Variants in ASIC2 observed in about 807,000 individuals in gnomAD.
The protein encoded by ASIC2 is acid sensing ion channel subunit 2.
ASIC2 carries 25 observed loss-of-function variants against 57.3 expected under a neutral mutation model. The observed-to-expected ratio is 0.44, with a 90% CI of 0.32 to 0.61. The LOEUF (loss-of-function observed/expected upper bound fraction) is 0.61, where lower values mean the gene tolerates loss of function less well. Among genes scored for constraint, ASIC2 ranks in the 20% least tolerant of loss-of-function variants. The pLI is 0.06. For synonymous variants in ASIC2, 319 were observed against 307.5 expected, an observed-to-expected ratio of 1.04 and a Z score of -0.39; for missense variants, 641 against 738.1, an observed-to-expected ratio of 0.87 and a Z score of 1.52.
intron 3 of ASIC2, among the ~76,000 whole-genome samples, chr17:33,065,342 TA>T (rs2092039023): frequency 6.7e-6 from 1 of 148,176 alleles, no homozygotes; most frequent in Non-Finnish European, 1.5e-5. Context: ...CACTTCCTGC[TA>T]TTTTTTTTTT....
chr17:33,039,208 G>A (rs2091921223), intron 3 of ASIC2, among the ~76,000 whole-genome samples: 1 of 150,440 alleles, frequency 6.6e-6, no homozygotes, highest in Non-Finnish European at 1.5e-5. Flanking sequence ...GATAGGACAC[G>A]GTGCTCACAG....
chr17:33,454,040 CTGT>C (rs1912363001), intron 1 of ASIC2, among the ~76,000 whole-genome samples: 1 of 152,154 alleles, frequency 6.6e-6, no homozygotes, highest in Non-Finnish European at 1.5e-5. Context: ...TTGTTATTTA[CTGT>C]TGTTGGCTAT....
intron 1 of ASIC2, among the ~76,000 whole-genome samples, chr17:33,449,691 C>A (rs1912174084): frequency 6.6e-6 from 1 of 152,114 alleles, no homozygotes; most frequent in South Asian, 2.1e-4. Context: ...GCGTTATAGA[C>A]CTTCTTATCC....
At chr17:33,059,206 C>G (rs889877412) in intron 3 of ASIC2, among the ~76,000 whole-genome samples, 51 of 152,180 alleles carry the variant, frequency 3.4e-4, no homozygotes, top group African/African-American at 1.1e-3. Flanking sequence ...ATGTGCACAA[C>G]GTGCAGGTTT....
At chr17:33,939,237 G>A (rs774905615) in intron 1 of ASIC2, among the ~76,000 whole-genome samples, 3 of 152,206 alleles carry the variant, frequency 2.0e-5, no homozygotes, top group Non-Finnish European at 2.9e-5. Context: ...ATTCAATATA[G>A]AGTCATGCCA....
chr17:33,469,828 TAG>T (rs1330158441), intron 1 of ASIC2, among the ~76,000 whole-genome samples: 1 of 152,076 alleles, frequency 6.6e-6, no homozygotes, highest in Admixed American at 6.6e-5. Context: ...ACCTCGGGGA[TAG>T]AGAGTGAAGA....
At chr17:33,942,431 G>A (rs1916212130) in intron 1 of ASIC2, among the ~76,000 whole-genome samples, 1 of 152,092 alleles carries the variant, frequency 6.6e-6, no homozygotes, top group Non-Finnish European at 1.5e-5. Context: ...AGAAGTGCAG[G>A]GTCTAACTCA....
chr17:33,408,283 G>T lies in ASIC2; in HGVS notation c.556-296216C>A, dbSNP rs1312507553. On this transcript the variant is annotated intron_variant, in intron 1 of 9. Transcript: ENST00000359872. ...TTCTGATTTTCACTCCCCAACAAAT[G>T]TCATGTCCATGTGCTGCAGTGGTGA... is the stretch of plus-strand genomic sequence containing the variant. Among the ~76,000 whole-genome samples the T allele has an allele frequency of 2.6e-5, 4 of 152,182 alleles. No individual in the cohort carries two copies. The East Asian group carries it at 7.7e-4, about 29-fold the overall frequency.
At chr17:33,473,218 A>C (rs1239112631) in intron 1 of ASIC2, among the ~76,000 whole-genome samples, 1 of 152,262 alleles carries the variant, frequency 6.6e-6, no homozygotes, top group African/African-American at 2.4e-5. Flanking sequence ...CTATGGCATA[A>C]TATCCATCTG....
rs540063773 is a variant in ASIC2, at chr17:33,736,362, A to G, written c.555+419616T>C. On this transcript the variant is annotated intron_variant, in intron 1 of 9. Transcript: ENST00000359872. ...TACTCTATGAATTTATGAAAATCCC[A>G]TATTTTATCATGCAGACATTTTGGA... 5.9e-5 allele frequency among the ~76,000 whole-genome samples: 9 copies of G among 152,234 alleles called. No homozygotes were observed. The South Asian group carries it at 1.9e-3, about 32-fold the overall frequency.
chr17:33,509,584 G>A (rs1415534345), intron 1 of ASIC2, among the ~76,000 whole-genome samples: 1 of 152,190 alleles, frequency 6.6e-6, no homozygotes, highest in Non-Finnish European at 1.5e-5. Flanking sequence ...TGGCGGGGCT[G>A]CGTGCCTGCT....
At chr17:34,151,073 A>C (rs1164407936) in intron 1 of ASIC2, among the ~76,000 whole-genome samples, 1 of 146,956 alleles carries the variant, frequency 6.8e-6, no homozygotes, top group African/African-American at 2.5e-5. Flanking sequence ...ACTGCACTCC[A>C]GCCTGGGCAA....
At chr17:34,132,397 G>T (rs1218321784) in intron 1 of ASIC2, among the ~76,000 whole-genome samples, 1 of 152,126 alleles carries the variant, frequency 6.6e-6, no homozygotes, top group South Asian at 2.1e-4. Context: ...CTGCTGGCTG[G>T]GGATGGAGTG....
chr17:33,412,653 G>A (rs1399811485), intron 1 of ASIC2, among the ~76,000 whole-genome samples: 2 of 152,180 alleles, frequency 1.3e-5, no homozygotes, highest in East Asian at 1.9e-4. Context: ...CCTTTGGGCT[G>A]GATATATGCC....
chr17:33,650,372 C>T (rs1486627777), intron 1 of ASIC2, among the ~76,000 whole-genome samples: 3 of 152,166 alleles, frequency 2.0e-5, no homozygotes, highest in East Asian at 3.9e-4. Context: ...ATCACTCAGA[C>T]ATTACTGGCG....
intron 1 of ASIC2, among the ~76,000 whole-genome samples, chr17:33,339,286 C>A (rs892943595): frequency 6.6e-6 from 1 of 152,106 alleles, no homozygotes; most frequent in African/African-American, 2.4e-5. Context: ...ACTGAAGTTT[C>A]AGTTCTACAG....
chr17:33,573,668 C>T (rs557303539), intron 1 of ASIC2, among the ~76,000 whole-genome samples: 4 of 152,260 alleles, frequency 2.6e-5, no homozygotes, highest in Admixed American at 6.5e-5. Flanking sequence ...CAGGTTCAAG[C>T]GATTCTCCTG....
intron 1 of ASIC2, among the ~76,000 whole-genome samples, chr17:34,000,635 A>G (rs1259256419): frequency 1.3e-5 from 2 of 152,156 alleles, no homozygotes; most frequent in Non-Finnish European, 2.9e-5. Context: ...AGGTTTGGGA[A>G]GTTTTATGTC....
intron 4 of ASIC2, among the ~76,000 whole-genome samples, chr17:33,027,417 T>C (rs1278509969): frequency 6.6e-6 from 1 of 152,220 alleles, no homozygotes; most frequent in Non-Finnish European, 1.5e-5. Context: ...CTACTAAATA[T>C]AATAACAACA....
Sources: gnomAD v4.1 joint callset for allele counts (sites outside exome capture counted in the v4.1 genomes callset) on GRCh38, gnomAD v4.1.1 for gene constraint, MANE v1.5 for transcripts, NCBI Gene and HGNC (gene_info 2026-07-23, HGNC 2026-07-21) for gene names.